The following ZSWIM9 variants were observed in gnomAD, a reference collection of about 807,000 sequenced individuals.
The protein encoded by ZSWIM9 is zinc finger SWIM-type containing 9, also known as uncharacterized protein ZSWIM9.
ZSWIM9 carries 11 observed loss-of-function variants against 25.0 expected under a neutral mutation model. The observed-to-expected ratio is 0.44, with a 90% CI of 0.28 to 0.73. The LOEUF is 0.73. Ranked by LOEUF, ZSWIM9 falls within the 30% of genes least tolerant of loss-of-function variation. ZSWIM9 has a pLI of 0.16. For synonymous variants in ZSWIM9, 562 were observed against 582.1 expected, an observed-to-expected ratio of 0.97 and a Z score of 0.50; for missense variants, 1,070 against 1,296.5, an observed-to-expected ratio of 0.83 and a Z score of 2.68.
In ZSWIM9 at chr19:48,196,407, G is replaced by C. The variant is rs572907861; in HGVS notation, c.2343G>C (p.Trp781Cys). The C allele has an allele frequency of 1.5e-5, 19 of 1,232,450 alleles. No individual in the cohort carries two copies. In the South Asian group the frequency reaches 6.6e-4, roughly 43 times the overall value. 76.3% of individuals were successfully genotyped at this position (1,232,450 alleles called of 1,614,324 possible). ...CTGTATTGGAAGGCAGCCCAGAATG[G>C]GCAGCGGCGAGGAGTGAACACCTGG... is the stretch of plus-strand genomic sequence containing the variant. ...VGTVLEGSPE[W>C]AAARSEHLAA... The change falls in exon 4 of 4, where the codon TGG becomes TGC. Residue 781 changes from tryptophan to cysteine, a missense_variant. Coordinates refer to ENST00000614654, the MANE Select transcript of ZSWIM9 (RefSeq NM_199341.4).
rs1216749685 is a variant in ZSWIM9, at chr19:48,195,148, C to T, written c.1084C>T (p.Leu362=). The T allele has an allele frequency of 1.3e-6, 2 of 1,511,032 alleles. No individual in the cohort carries two copies. Among genetic ancestry groups the T allele is most frequent in the Admixed American group, 4.0e-5 (2 of 49,860 alleles). 93.6% of individuals were successfully genotyped at this position (1,511,032 alleles called of 1,614,324 possible). The change falls in exon 4 of 4, where the codon CTG becomes TTG. Residue 362 remains leucine, a synonymous_variant. Transcript: ENST00000614654. The surrounding 1 kb of genome is among the most constrained non-coding windows in gnomAD (Gnocchi z 5.8). ...ASSPAAYDEA[L]AELHAHGPAA... is the part of the protein sequence containing the mutation. Reference sequence around the variant, plus strand: ...GTCGCCCGCAGCCTACGACGAGGCGCTGGCCGAGCTCCACGCCCACGGCCC... The same window carrying T: ...GTCGCCCGCAGCCTACGACGAGGCGTTGGCCGAGCTCCACGCCCACGGCCC...
At chr19:48,184,205 G>C (rs1224229538) in intron 3 of ZSWIM9, among the ~76,000 whole-genome samples, 1 of 152,014 alleles carries the variant, frequency 6.6e-6, no homozygotes, top group East Asian at 1.9e-4. Flanking sequence ...TTTAGCAAAT[G>C]ATGGTGAAGC....
chr19:48,171,142 G>A (rs1332156533), intron 1 of ZSWIM9: 1 of 737,890 alleles, frequency 1.4e-6, no homozygotes, highest in African/African-American at 1.9e-5. Context: ...AGTGTCTCAG[G>A]GAAGCCCCAG....
rs1335235059 is a variant in ZSWIM9, at chr19:48,182,701, C to G, written c.522C>G (p.Arg174=). The change falls in exon 3 of 4, where the codon CGC becomes CGG. Residue 174 remains arginine (R), a synonymous_variant. Coordinates refer to ENST00000614654, the MANE Select transcript of ZSWIM9 (RefSeq NM_199341.4). This position sits in a 1 kb window ranked among gnomAD's most constrained non-coding sequence, Gnocchi z 4.6. ...VRRLLSYCKG[R]DHGVLDALHV... The stretch of plus-strand genomic sequence containing the variant: ...GCCTGCTGTCCTACTGCAAGGGCCG[C>G]GACCACGGCGTCCTGGACGCCCTGC... 1 of 1,535,544 alleles carries G rather than the reference C, an allele frequency of 6.5e-7. No homozygotes were observed.
Position 48,195,952 on chromosome 19 carries a change from G to A in ZSWIM9, c.1888G>A (p.Ala630Thr). Reference protein sequence around the residue: ...RSLEGSPWRGAQLHDERAGGL... With the variant: ...RSLEGSPWRGTQLHDERAGGL... Reference sequence around the variant, plus strand: ...TCTTGAAGGAAGCCCCTGGAGGGGGGCGCAGCTGCACGATGAAAGGGCAGG... The same window carrying A: ...TCTTGAAGGAAGCCCCTGGAGGGGGACGCAGCTGCACGATGAAAGGGCAGG... The change falls in exon 4 of 4, where the codon GCG (alanine) becomes ACG (threonine). Residue 630 changes from alanine (A) to threonine (T), a missense_variant. Ala to Thr is a moderately conservative substitution (Grantham distance 58). Around this residue, in one of 4 missense-constraint regions of ZSWIM9, gnomAD observed 583 missense variants for 624.7 expected, o/e 0.93. Transcript: ENST00000614654. The surrounding 1 kb of genome is among the most constrained non-coding windows in gnomAD (Gnocchi z 5.8). 7.5e-7 allele frequency: 1 copy of A among 1,328,428 alleles called. No homozygotes were observed. The highest frequency in any genetic ancestry group is 9.6e-7 in the Non-Finnish European group (1 of 1,043,894). The allele number at this position is 1,328,428 out of a possible 1,614,324, so 82.3% of individuals were successfully genotyped here. A position where few individuals can be genotyped will look rare whatever the true frequency, so the allele number is the denominator to read the frequency against.
At chr19:48,180,251 G>A (rs1371108242) in intron 2 of ZSWIM9, among the ~76,000 whole-genome samples, 1 of 151,966 alleles carries the variant, frequency 6.6e-6, no homozygotes, top group African/African-American at 2.4e-5. Context: ...CCCAACCTCA[G>A]GTGATCCGCC....
In ZSWIM9 at chr19:48,194,985, G is replaced by C. The variant is rs2037139902; in HGVS notation, c.921G>C (p.Gln307His). 1 of 1,333,422 alleles carries C rather than the reference G, an allele frequency of 7.5e-7. No homozygotes were observed. Among genetic ancestry groups the C allele is most frequent in the East Asian group, 3.7e-5 (1 of 27,350 alleles). 82.6% of individuals were successfully genotyped at this position (1,333,422 alleles called of 1,614,324 possible). A position where few individuals can be genotyped will look rare whatever the true frequency, so the allele number is the denominator to read the frequency against. ...CGGCGCAGTTGCCTGCAGTGCGCCA[G>C]CTGCTGCCCTGCGCGCGCGTGCAGA... ...EVAAQLPAVR[Q>H]LLPCARVQIC... The change falls in exon 4 of 4, where the codon CAG (glutamine) becomes CAC (histidine). Residue 307 changes from glutamine (Q) to histidine (H), a missense_variant. By Grantham distance (24) the Gln-to-His change is conservative (BLOSUM62 0). Transcript: ENST00000614654. This position sits in a 1 kb window ranked among gnomAD's most constrained non-coding sequence, Gnocchi z 6.0.
In ZSWIM9 at chr19:48,197,044, G is replaced by T; in HGVS notation, c.*217G>T. ...TGGAGCCACAGCTTGGGAAGGTGTTGATGGGCAGGGTGGATTCTGAGGGCT... is the reference window on the plus strand; with the variant it reads ...TGGAGCCACAGCTTGGGAAGGTGTTTATGGGCAGGGTGGATTCTGAGGGCT... On this transcript the variant is annotated 3_prime_UTR_variant, in exon 4 of 4. Coordinates refer to ENST00000614654, the MANE Select transcript of ZSWIM9 (RefSeq NM_199341.4). The T allele has an allele frequency of 1.8e-6, 1 of 546,588 alleles. No homozygotes were observed. Among genetic ancestry groups the T allele is most frequent in the Non-Finnish European group, 3.2e-6 (1 of 311,790 alleles). 33.9% of individuals were successfully genotyped at this position (546,588 alleles called of 1,614,324 possible).
rs1159487824 is a variant in ZSWIM9, at chr19:48,195,776, G to A, written c.1712G>A (p.Gly571Glu). ...GPQLEGEKDW[G>E]LEGYVWRGSQ... ...CAGTTGGAGGGTGAGAAAGATTGGG[G>A]ACTGGAAGGTTATGTCTGGAGGGGG... Residue 571 changes from glycine to glutamate, a missense_variant, in exon 4 of 4, where the codon GGA becomes GAA. Coordinates refer to ENST00000614654, the MANE Select transcript of ZSWIM9 (RefSeq NM_199341.4). The surrounding 1 kb of genome is among the most constrained non-coding windows in gnomAD (Gnocchi z 5.8). 7 of 1,498,608 alleles carry A rather than the reference G, an allele frequency of 4.7e-6. No homozygotes were observed. The African/African-American group carries it at 9.9e-5, about 21-fold the overall frequency. The allele number at this position is 1,498,608 out of a possible 1,614,324, so 92.8% of individuals were successfully genotyped here.
rs2036968481 is a variant in ZSWIM9 at position 48,182,939 on chromosome 19, C to G, written c.588+172C>G. The G allele has an allele frequency of 8.1e-6, 5 of 617,086 alleles. No homozygotes were observed. Among genetic ancestry groups the G allele is most frequent in the Non-Finnish European group, 1.4e-5 (5 of 353,334 alleles). The allele number at this position is 617,086 out of a possible 1,614,324, so 38.2% of individuals were successfully genotyped here. A position where few individuals can be genotyped will look rare whatever the true frequency, so the allele number is the denominator to read the frequency against. On this transcript the variant is annotated intron_variant, in intron 3 of 3. Transcript: ENST00000614654. The surrounding 1 kb of genome is among the most constrained non-coding windows in gnomAD (Gnocchi z 4.6). ...GAGGCATTGGGGATGCAGCAGCAAA[C>G]CAGACCCACGTGGTCTCTGTCCGCA...
Position 48,195,748 on chromosome 19 carries a change from C to A in ZSWIM9, c.1684C>A (p.Pro562Thr). ...GCCAGAGATTAGAGACTGGAGGGGG[C>A]CCCAGTTGGAGGGTGAGAAAGATTG... ...RGPEIRDWRG[P>T]QLEGEKDWGL... Residue 562 changes from proline to threonine, a missense_variant, in exon 4 of 4, where the codon CCC becomes ACC. Pro to Thr is a conservative substitution (Grantham distance 38). This residue lies in a region of ZSWIM9 where 583 missense variants were observed against 624.7 expected (regional missense o/e 0.93). Transcript: ENST00000614654. This position sits in a 1 kb window ranked among gnomAD's most constrained non-coding sequence, Gnocchi z 5.8. The A allele has an allele frequency of 6.8e-7, 1 of 1,479,184 alleles. No individual in the cohort carries two copies. Among genetic ancestry groups the A allele is most frequent in the South Asian group, 1.3e-5 (1 of 74,894 alleles). The allele number at this position is 1,479,184 out of a possible 1,614,324, so 91.6% of individuals were successfully genotyped here. A position where few individuals can be genotyped will look rare whatever the true frequency, so the allele number is the denominator to read the frequency against.
chr19:48,179,993 G>A (rs2036931211), intron 2 of ZSWIM9, among the ~76,000 whole-genome samples: 1 of 152,086 alleles, frequency 6.6e-6, no homozygotes, highest in South Asian at 2.1e-4. Flanking sequence ...CATGCTCTTT[G>A]GCTTGGAGCC....
chr19:48,183,826 T>G (rs2036981360), intron 3 of ZSWIM9, among the ~76,000 whole-genome samples: 1 of 147,636 alleles, frequency 6.8e-6, no homozygotes, highest in South Asian at 2.2e-4. Flanking sequence ...TGTAGAGATG[T>G]TTGGCGGGGG....
At chr19:48,191,283 C>T (rs1440014045) in intron 3 of ZSWIM9, among the ~76,000 whole-genome samples, 1 of 152,170 alleles carries the variant, frequency 6.6e-6, no homozygotes, top group African/African-American at 2.4e-5. Flanking sequence ...CGGCTCACTG[C>T]AGCCTCCGCC....
chr19:48,173,794 G>T (rs185533548), intron 2 of ZSWIM9, among the ~76,000 whole-genome samples: 582 of 151,902 alleles, frequency 3.8e-3, no homozygotes, highest in Admixed American at 5.2e-3. Context: ...GCGCCACCAT[G>T]CCCAGCTAAT....
At chr19:48,193,589 G>A (rs1210286353) in intron 3 of ZSWIM9, among the ~76,000 whole-genome samples, 3 of 152,248 alleles carry the variant, frequency 2.0e-5, no homozygotes, top group Non-Finnish European at 4.4e-5. Flanking sequence ...AGGAAACGAA[G>A]ATATGACTTG....
rs776952369 is a variant in ZSWIM9, at chr19:48,172,027, C to T, written c.225C>T (p.Tyr75=). The T allele has an allele frequency of 1.2e-4, 180 of 1,531,996 alleles. No homozygotes were observed. The highest frequency in any genetic ancestry group is 1.5e-4 in the Non-Finnish European group (172 of 1,144,438). The allele number at this position is 1,531,996 out of a possible 1,614,324, so 94.9% of individuals were successfully genotyped here. Residue 75 remains tyrosine (Y), a synonymous_variant, in exon 2 of 4, where the codon TAC becomes TAT. Coordinates refer to ENST00000614654, the MANE Select transcript of ZSWIM9 (RefSeq NM_199341.4). The part of the protein sequence containing the change: ...YTLIDVLKYS[Y]VRLVCKDVRA... ...TCATCGACGTGCTCAAGTACAGCTA[C>T]GTGCGGCTTGTGTGCAAGGACGTGC...
At chr19:48,186,794 G>A (rs1339672669) in intron 3 of ZSWIM9, 1 of 154,394 alleles carries the variant, frequency 6.5e-6, no homozygotes, top group Non-Finnish European at 1.5e-5. Flanking sequence ...GGAGCTGTCA[G>A]GCATTCAGCC....
chr19:48,178,055 G>T (rs1013320467), intron 2 of ZSWIM9, among the ~76,000 whole-genome samples: 18 of 152,096 alleles, frequency 1.2e-4, no homozygotes, highest in Non-Finnish European at 2.9e-5. Flanking sequence ...CCGCCACCAC[G>T]CTCAGCTAAT....
Sources: gnomAD v4.1 joint callset for allele counts (sites outside exome capture counted in the v4.1 genomes callset) on GRCh38, gnomAD v4.1.1 for gene constraint, gnomAD v4.1.1 regional missense constraint, Gnocchi (gnomAD v3.1) non-coding constraint, MANE v1.5 for transcripts, NCBI Gene and HGNC (gene_info 2026-07-23, HGNC 2026-07-21) for gene names.